The following PROSER1 variants were observed in gnomAD, a reference collection of about 807,000 sequenced individuals.
PROSER1 encodes proline and serine-rich protein 1.
Under a neutral mutation model 71.8 loss-of-function variants are expected in PROSER1, and 36 were observed. The ratio of observed to expected loss-of-function variants is 0.50; its 90% CI spans 0.38 to 0.66. PROSER1 has a LOEUF of 0.66. PROSER1 is among the 30% of genes least tolerant of loss of function. The pLI, the probability that PROSER1 is intolerant of heterozygous loss-of-function variation, is 0.00. For synonymous variants in PROSER1, 490 were observed against 452.4 expected, an observed-to-expected ratio of 1.08 and a Z score of -1.06; for missense variants, 1,107 against 1,135.0, an observed-to-expected ratio of 0.98 and a Z score of 0.35.
Position 39,011,289 on chromosome 13 carries a change from A to C in PROSER1, c.*76T>G. 1 of 1,468,528 alleles carries C rather than the reference A, an allele frequency of 6.8e-7. No homozygotes were observed. The highest frequency in any genetic ancestry group is 9.4e-7 in the Non-Finnish European group (1 of 1,069,090). The allele number at this position is 1,468,528 out of a possible 1,614,324, so 91.0% of individuals were successfully genotyped here. A position where few individuals can be genotyped will look rare whatever the true frequency, so the allele number is the denominator to read the frequency against. On this transcript the variant is annotated 3_prime_UTR_variant, in exon 13 of 13. Transcript: ENST00000352251. The stretch of plus-strand genomic sequence containing the variant: ...CATTTTCCGACTTTTGGCCAGCTTC[A>C]CATTTGTCAGATTGTTCATTGCAGT...
Position 39,013,663 on chromosome 13 carries a change from G to T in PROSER1, c.1589C>A (p.Thr530Asn), listed in dbSNP as rs1463269849. 6.2e-7 allele frequency: 1 copy of T among 1,614,204 alleles called. No homozygotes were observed. Among genetic ancestry groups the T allele is most frequent in the Non-Finnish European group, 8.5e-7 (1 of 1,180,018 alleles). Residue 530 changes from threonine (T) to asparagine (N), a missense_variant, in exon 11 of 13, where the codon ACT (threonine) becomes AAT (asparagine). Transcript: ENST00000352251. The part of the protein sequence containing the change: ...APSAIPTPQR[T>N]STPGLALFPG... Reference sequence around the variant, plus strand: ...GAACAGGGCCAACCCTGGAGTGGAAGTCCTCTGTGGGGTAGGGATGGCTGA... The same window carrying T: ...GAACAGGGCCAACCCTGGAGTGGAATTCCTCTGTGGGGTAGGGATGGCTGA...
chr13:39,031,388 T>C (rs1375626883), intron 3 of PROSER1, among the ~76,000 whole-genome samples, 175 bp downstream of exon 3: 5 of 152,250 alleles, frequency 3.3e-5, no homozygotes, highest in African/African-American at 7.2e-5. Flanking sequence ...ACAATTTAAA[T>C]GTACAGTTTA....
Position 39,034,139 on chromosome 13 carries a change from T to C in PROSER1, c.103A>G (p.Ser35Gly). 6.3e-7 allele frequency: 1 copy of C among 1,578,580 alleles called. No individual in the cohort carries two copies. The highest frequency in any genetic ancestry group is 8.6e-7 in the Non-Finnish European group (1 of 1,165,900). ...AIEYVHGYFS[S>G]EQVVDLLRYF... ...CAAATAATGAGGAATACCTGTTCAC[T>C]AGAAAAGTATCCATGCACATATTCA... The change falls in exon 2 of 13, where the codon AGT (serine) becomes GGT (glycine). Residue 35 changes from serine to glycine, a missense_variant. Physicochemically the swap from Ser to Gly is moderately conservative, Grantham distance 56. Coordinates refer to ENST00000352251, the MANE Select transcript of PROSER1 (RefSeq NM_025138.5).
At chr13:39,018,551 T>C (rs889551812) in intron 9 of PROSER1, among the ~76,000 whole-genome samples, 1 of 150,456 alleles carries the variant, frequency 6.6e-6, no homozygotes, top group African/African-American at 2.4e-5. Context: ...CTTTTACATA[T>C]AAAAATCTGA....
chr13:39,026,402 A>G lies in PROSER1; in HGVS notation c.370-15T>C. 6.4e-7 allele frequency: 1 copy of G among 1,551,630 alleles called. No homozygotes were observed. Among genetic ancestry groups the G allele is most frequent in the Non-Finnish European group, 8.8e-7 (1 of 1,135,548 alleles). On this transcript the variant is annotated splice_polypyrimidine_tract_variant and intron_variant, in intron 5 of 12. Coordinates refer to ENST00000352251, the MANE Select transcript of PROSER1 (RefSeq NM_025138.5). ...CCCTTGAAAGCCTGTAATATAAGAA[A>G]GAAGAGGGGTAGGAAAAAAATTCTT...
At position 39,022,328 on chromosome 13, in the gene PROSER1, G is replaced by A. The variant is rs779227116; in HGVS notation, c.728C>T (p.Thr243Ile). 1 of 1,596,482 alleles carries A rather than the reference G, an allele frequency of 6.3e-7. No individual in the cohort carries two copies. Reference sequence around the variant, plus strand: ...AACACCCCCAAATAACATTTTACCTGTTCCTACAGGATTAGGAGTATATGG... The same window carrying A: ...AACACCCCCAAATAACATTTTACCTATTCCTACAGGATTAGGAGTATATGG... ...PPPYTPNPVG[T>I]ENEDLSNPSK... Residue 243 changes from threonine (T) to isoleucine (I), a missense_variant and splice_region_variant, in exon 9 of 13, where the codon ACA becomes ATA. Thr to Ile is a moderately conservative substitution (Grantham distance 89, BLOSUM62 -1). Transcript: ENST00000352251.
intron 11 of PROSER1, 21 bp from the exon 12 acceptor site, chr13:39,012,254 A>T: frequency 6.2e-7 from 1 of 1,611,602 alleles, no homozygotes; most frequent in Non-Finnish European, 8.5e-7. Flanking sequence ...TGACAGAAAA[A>T]CAAGTTAACT....
At chr13:39,017,471 G>T in intron 10 of PROSER1, 29 bp downstream of exon 10, 1 of 1,418,484 alleles carries the variant, frequency 7.0e-7, no homozygotes, top group Non-Finnish European at 9.9e-7. Flanking sequence ...ACAGATATCC[G>T]TTATCTCTGG....
At chr13:39,023,268 A>G in intron 7 of PROSER1, 138 bp from the exon 8 acceptor site, 1 of 591,718 alleles carries the variant, frequency 1.7e-6, no homozygotes, top group Non-Finnish European at 3.0e-6. Context: ...ATGGGACAAC[A>G]AATGAGGGAA....
chr13:39,034,282 C>G, intron 1 of PROSER1, 86 bp from the exon 2 acceptor site: 1 of 1,062,106 alleles, frequency 9.4e-7, no homozygotes, highest in Non-Finnish European at 1.3e-6. Context: ...CAAAACTGCC[C>G]AAGCAACTCA....
chr13:39,037,154 G>T, intron 1 of PROSER1, 44 bp downstream of exon 1: 1 of 1,409,614 alleles, frequency 7.1e-7, no homozygotes, highest in Non-Finnish European at 1.0e-6. Context: ...TCTAAAACAC[G>T]AGAATTCATC....
chr13:39,012,980 A>G lies in PROSER1; in HGVS notation c.2272T>C (p.Ser758Pro), dbSNP rs749674853. The G allele has an allele frequency of 5.0e-6, 8 of 1,614,186 alleles. No individual in the cohort carries two copies. The Admixed American group carries it at 6.7e-5, about 13-fold the overall frequency. ...LSGLSASAPV[S>P]AAPFPLNLST... ...AGGTTGAGGGGGAAAGGTGCTGCTG[A>G]GACTGGTGCTGAAGCAGAAAGCCCT... is the stretch of plus-strand genomic sequence containing the variant. Residue 758 changes from serine (S) to proline (P), a missense_variant, in exon 11 of 13, where the codon TCA becomes CCA. Transcript: ENST00000352251.
rs1330940179 is a variant in PROSER1, at chr13:39,014,276, T to C, written c.976A>G (p.Thr326Ala). ...GGGTTTGGTATTGATGGCTGAGGTG[T>C]GTGAACGGCTGAGGAGACCTGCCCT... ...FPGQVSSAVH[T>A]PQPSIPNPTV... The change falls in exon 11 of 13, where the codon ACA becomes GCA. Residue 326 changes from threonine to alanine, a missense_variant. Thr to Ala is a moderately conservative substitution (Grantham distance 58). Coordinates refer to ENST00000352251, the MANE Select transcript of PROSER1 (RefSeq NM_025138.5). The C allele has an allele frequency of 9.9e-6, 16 of 1,614,064 alleles. No homozygotes were observed. The highest frequency in any genetic ancestry group is 1.4e-5 in the Non-Finnish European group (16 of 1,180,018).
chr13:39,034,066 G>A, intron 2 of PROSER1, 65 bp downstream of exon 2: 1 of 1,166,620 alleles, frequency 8.6e-7, no homozygotes, highest in South Asian at 1.7e-5. Context: ...TCGGCCAGCA[G>A]ACAGACATTA....
intron 12 of PROSER1, among the ~76,000 whole-genome samples, chr13:39,011,846 G>A (rs1869674419): frequency 6.6e-6 from 1 of 152,110 alleles, no homozygotes; most frequent in Non-Finnish European, 1.5e-5. Flanking sequence ...TCTATAAGCA[G>A]GAAGGAAAAA....
In PROSER1 at chr13:39,037,221, T is replaced by C. The variant is rs773725249; in HGVS notation, c.22A>G (p.Met8Val). 1.2e-5 allele frequency: 19 copies of C among 1,610,308 alleles called. No homozygotes were observed. In the East Asian group the frequency reaches 4.2e-4, roughly 36 times the overall value. MDKKSFE[M>V]VLDEIRKAVL... ...ACCTTTCTAATTTCATCCAGCACCA[T>C]TTCAAAGGACTTTTTATCCATCTTG... Residue 8 changes from methionine (M) to valine (V), a missense_variant, in exon 1 of 13, where the codon ATG becomes GTG. Physicochemically the swap from Met to Val is conservative, Grantham distance 21 (BLOSUM62 1). Coordinates refer to ENST00000352251, the MANE Select transcript of PROSER1 (RefSeq NM_025138.5).
intron 11 of PROSER1, 171 bp downstream of exon 11, chr13:39,012,520 T>C: frequency 3.1e-6 from 2 of 653,006 alleles, no homozygotes; most frequent in Non-Finnish European, 5.3e-6. Flanking sequence ...CAGGCATTAA[T>C]ATTTTATACA....
rs1214756826 is a variant in PROSER1 at position 39,019,360 on chromosome 13, AAAG to A, written c.731-1819_731-1817del. Among the ~76,000 whole-genome samples, 833 of 150,682 alleles carry A rather than the reference AAAG, an allele frequency of 5.5e-3. 19 individuals carry two copies. The highest frequency in any genetic ancestry group is 0.02 in the African/African-American group (800 of 40,984). ...CTACTAAAAATACAAAAAAAAAAAA[AAAG>A]AAAAATTAGCCAGGCATGGTGGTAT... On this transcript the variant is annotated intron_variant, in intron 9 of 12. Coordinates refer to ENST00000352251, the MANE Select transcript of PROSER1 (RefSeq NM_025138.5).
intron 1 of PROSER1, among the ~76,000 whole-genome samples, chr13:39,035,252 A>G (rs1229966043): frequency 1.3e-5 from 2 of 152,200 alleles, no homozygotes; most frequent in African/African-American, 4.8e-5. Flanking sequence ...GACACAGTCA[A>G]ATACAAGTTT....
Sources: gnomAD v4.1 joint callset for allele counts (sites outside exome capture counted in the v4.1 genomes callset) on GRCh38, gnomAD v4.1.1 for gene constraint, MANE v1.5 for transcripts, NCBI Gene and HGNC (gene_info 2026-07-23, HGNC 2026-07-21) for gene names.